GRM5: variants seen among roughly 807,000 people sequenced by gnomAD.
GRM5 encodes metabotropic glutamate receptor 5.
A neutral mutation model predicts 83.1 loss-of-function variants in GRM5; 19 were observed. The observed-to-expected ratio is 0.23, with a 90% CI of 0.16 to 0.34. The LOEUF (loss-of-function observed/expected upper bound fraction) is 0.34. Among genes scored for constraint, GRM5 ranks in the 10% least tolerant of loss-of-function variants. GRM5 has a pLI of 1.00. For missense variants in GRM5, 1,160 were observed against 1,588.3 expected (o/e 0.73, Z 4.58); for synonymous variants, 675 against 633.6 (o/e 1.07, Z -0.98).
chr11:89,050,348 A>G (rs1941731163), intron 1 of GRM5, among the ~76,000 whole-genome samples: 1 of 152,192 alleles, frequency 6.6e-6, no homozygotes, highest in African/African-American at 2.4e-5. Flanking sequence ...ACAAATATTT[A>G]TGGTATGTAT....
chr11:88,913,466 CCT>C (rs1945535346), intron 2 of GRM5, among the ~76,000 whole-genome samples: 1 of 152,008 alleles, frequency 6.6e-6, no homozygotes, highest in African/African-American at 2.4e-5. Context: ...CTTCCCCTCC[CCT>C]GTCTCAGAGC....
intron 2 of GRM5, among the ~76,000 whole-genome samples, chr11:89,017,546 T>C (rs1940888295): frequency 6.6e-6 from 1 of 152,176 alleles, no homozygotes; most frequent in Non-Finnish European, 1.5e-5. Flanking sequence ...ACCTATGACT[T>C]AATCCTTCCA....
rs3812729 is a variant in GRM5 at position 88,506,090 on chromosome 11, C to A, written c.*2502G>T. On this transcript the variant is annotated 3_prime_UTR_variant, in exon 10 of 10. Transcript: ENST00000305447. ...AAATACAGAGAAAAATATATCTTGT[C>A]CTTTTCTAATTGGATAAATCATTTT... is the stretch of plus-strand genomic sequence containing the variant. The A allele has an allele frequency of 6.6e-6, 1 of 151,956 alleles. No individual in the cohort carries two copies. The highest frequency in any genetic ancestry group is 1.5e-5 in the Non-Finnish European group (1 of 67,986). The allele number at this position is 151,956 out of a possible 1,614,324, so 9.4% of individuals were successfully genotyped here.
chr11:88,993,893 T>G (rs1940081493), intron 2 of GRM5, among the ~76,000 whole-genome samples: 1 of 152,086 alleles, frequency 6.6e-6, no homozygotes, highest in Non-Finnish European at 1.5e-5. Context: ...AACTAGTTGT[T>G]TTGACTTTTT....
chr11:88,584,430 C>G (rs1392947877), intron 7 of GRM5, among the ~76,000 whole-genome samples: 1 of 151,502 alleles, frequency 6.6e-6, no homozygotes, highest in African/African-American at 2.4e-5. Flanking sequence ...TCTTTCTTTT[C>G]TTTTCTTTTC....
chr11:88,646,138 G>T (rs1380100201), intron 4 of GRM5, among the ~76,000 whole-genome samples: 1 of 151,990 alleles, frequency 6.6e-6, no homozygotes, highest in Non-Finnish European at 1.5e-5. Context: ...TTATAGAAAA[G>T]ATACAATAAA....
At chr11:88,710,827 C>G (rs960359108) in intron 3 of GRM5, among the ~76,000 whole-genome samples, 4 of 151,754 alleles carry the variant, frequency 2.6e-5, no homozygotes, top group Non-Finnish European at 5.9e-5. Flanking sequence ...GAAGGTGCAT[C>G]CAAGTTTGAG....
At chr11:88,586,949 C>G (rs530398356) in intron 7 of GRM5, among the ~76,000 whole-genome samples, 7 of 152,222 alleles carry the variant, frequency 4.6e-5, no homozygotes, top group African/African-American at 1.7e-4. Context: ...CACAGGCTGG[C>G]CTTAATACCT....
chr11:88,941,932 CA>C lies in GRM5; in HGVS notation c.662-91778del, dbSNP rs1565302699. On this transcript the variant is annotated intron_variant, in intron 2 of 9. Transcript: ENST00000305447. ...TGCAGGACAACGGACCAGGACTTTT[CA>C]AATAATTCAATGTTACACAAAAAAA... Among the ~76,000 whole-genome samples, 3 of 152,030 alleles carry C rather than the reference CA, an allele frequency of 2.0e-5. No individual in the cohort carries two copies. In the East Asian group the frequency reaches 5.8e-4, roughly 29 times the overall value.
At chr11:88,546,178 T>C (rs1386309507) in intron 8 of GRM5, among the ~76,000 whole-genome samples, 3 of 152,078 alleles carry the variant, frequency 2.0e-5, no homozygotes, top group African/African-American at 7.2e-5. Flanking sequence ...CATGACACTG[T>C]ATCTAAACAT....
At chr11:88,681,642 G>A (rs1940494532) in intron 3 of GRM5, among the ~76,000 whole-genome samples, 2 of 125,908 alleles carry the variant, frequency 1.6e-5, no homozygotes, top group Admixed American at 1.0e-4. Flanking sequence ...TGTGATCTTG[G>A]CTCACTGCAA....
At chr11:88,956,272 A>G (rs540509408) in intron 2 of GRM5, among the ~76,000 whole-genome samples, 1 of 152,272 alleles carries the variant, frequency 6.6e-6, no homozygotes, top group Non-Finnish European at 1.5e-5. Context: ...ATTCCAAAGT[A>G]GAGCAGTCAG....
intron 3 of GRM5, among the ~76,000 whole-genome samples, chr11:88,710,290 A>G (rs1259482615): frequency 6.6e-6 from 1 of 152,146 alleles, no homozygotes; most frequent in Non-Finnish European, 1.5e-5. Flanking sequence ...AGGTCTAGAA[A>G]AAAATAGTCT....
rs572080246 is a variant in GRM5 at position 88,680,162 on chromosome 11, T to C, written c.912-26759A>G. ...TTGTTACACATGAATACATGTGCCA[T>C]GTAGGTGTGCTGCACCCAATAACTT... On this transcript the variant is annotated intron_variant, in intron 3 of 9. Transcript: ENST00000305447. Among the ~76,000 whole-genome samples the C allele has an allele frequency of 1.1e-4, 16 of 152,274 alleles. No homozygotes were observed. The South Asian group carries it at 3.1e-3, about 30-fold the overall frequency.
At chr11:88,953,072 C>G (rs1036432886) in intron 2 of GRM5, among the ~76,000 whole-genome samples, 2 of 152,108 alleles carry the variant, frequency 1.3e-5, no homozygotes, top group South Asian at 2.1e-4. Context: ...TCTGAATTAC[C>G]TTCATTTATC....
chr11:88,678,956 T>C (rs528356193), intron 3 of GRM5, among the ~76,000 whole-genome samples: 6 of 151,166 alleles, frequency 4.0e-5, no homozygotes, highest in South Asian at 2.1e-4. Context: ...ATGAGGAGGA[T>C]AGTGGCAAAA....
At chr11:89,004,333 A>C (rs1352033451) in intron 2 of GRM5, among the ~76,000 whole-genome samples, 2 of 152,220 alleles carry the variant, frequency 1.3e-5, no homozygotes, top group Non-Finnish European at 2.9e-5. Context: ...TATTAAACAC[A>C]AATAATATTT....
chr11:88,797,219 G>A (rs1379300256), intron 3 of GRM5, among the ~76,000 whole-genome samples: 29 of 151,918 alleles, frequency 1.9e-4, no homozygotes, highest in Admixed American at 1.6e-3. Flanking sequence ...GTGCAATCTC[G>A]GCTCACTGCA....
At chr11:88,539,034 T>C (rs186031384) in intron 8 of GRM5, among the ~76,000 whole-genome samples, 9 of 152,344 alleles carry the variant, frequency 5.9e-5, no homozygotes, top group Non-Finnish European at 7.4e-5. Context: ...ATGCTTTTAC[T>C]TGAGCCCTTT....
Sources: allele counts gnomAD v4.1 joint callset (sites outside exome capture counted in the v4.1 genomes callset), GRCh38; gene constraint gnomAD v4.1.1; transcripts MANE v1.5; gene names NCBI Gene and HGNC (gene_info 2026-07-23, HGNC 2026-07-21).